Variants in CCSER1 observed in about 807,000 individuals in gnomAD.
CCSER1 encodes the protein coiled-coil serine rich protein 1.
Under a neutral mutation model 82.0 loss-of-function variants are expected in CCSER1, and 41 were observed. The ratio of observed to expected loss-of-function variants is 0.50; its 90% CI spans 0.39 to 0.65. The LOEUF is 0.65. Among genes scored for constraint, CCSER1 ranks in the 30% least tolerant of loss-of-function variants. The pLI is 0.00. For synonymous variants in CCSER1, 414 were observed against 383.9 expected (o/e 1.08, Z -0.92); for missense variants, 1,119 against 1,064.2 (o/e 1.05, Z -0.72).
At chr4:90,291,134 T>C (rs2153465893) in intron 1 of CCSER1, among the ~76,000 whole-genome samples, 1 of 142,674 alleles carries the variant, frequency 7.0e-6, no homozygotes, top group South Asian at 2.2e-4. Flanking sequence ...GTGTTTTTAC[T>C]TGATTGAAAT....
chr4:91,470,326 C>A lies in CCSER1; in HGVS notation c.2218-128246C>A, dbSNP rs539176577. Among the ~76,000 whole-genome samples the A allele has an allele frequency of 4.6e-5, 7 of 152,158 alleles. 1 individual carries two copies. In the South Asian group the frequency reaches 1.5e-3, roughly 32 times the overall value. ...TGCTAATGGAGAAGGTATCTAAATC[C>A]TTTGTAGTTGGAAGTAATTCTATTC... On this transcript the variant is annotated intron_variant, in intron 10 of 10. Coordinates refer to ENST00000509176, the MANE Select transcript of CCSER1 (RefSeq NM_001145065.2).
At chr4:90,603,619 C>T (rs1039821870) in intron 5 of CCSER1, among the ~76,000 whole-genome samples, 1 of 115,844 alleles carries the variant, frequency 8.6e-6, no homozygotes, top group Non-Finnish European at 1.7e-5. Context: ...CATCTTTTCT[C>T]TTACCACAAT....
intron 1 of CCSER1, among the ~76,000 whole-genome samples, chr4:90,230,081 G>T (rs1335036683): frequency 6.6e-6 from 1 of 152,138 alleles, no homozygotes; most frequent in African/African-American, 2.4e-5. Context: ...AAGTTAGCAA[G>T]GATATCCAGG....
chr4:90,750,866 C>T lies in CCSER1; in HGVS notation c.2010+26875C>T, dbSNP rs112862187. On this transcript the variant is annotated intron_variant, in intron 7 of 10. Coordinates refer to ENST00000509176, the MANE Select transcript of CCSER1 (RefSeq NM_001145065.2). ...CTTTTTAATTTTCTTGTTACATAGA[C>T]ACTAGTCATTAAGTGTTTAAGAAGA... Among the ~76,000 whole-genome samples, 1,028 of 152,182 alleles carry T rather than the reference C, an allele frequency of 6.8e-3. 16 individuals carry two copies. The highest frequency in any genetic ancestry group is 0.023 in the African/African-American group (974 of 41,540).
intron 10 of CCSER1, among the ~76,000 whole-genome samples, chr4:91,417,454 A>G (rs139609654): frequency 8.5e-5 from 13 of 152,332 alleles, no homozygotes; most frequent in African/African-American, 2.6e-4. Context: ...ATGTTCATCA[A>G]TGATAGACTG....
intron 10 of CCSER1, among the ~76,000 whole-genome samples, chr4:91,097,408 A>T (rs188107426): frequency 6.6e-6 from 1 of 152,324 alleles, no homozygotes; most frequent in Admixed American, 6.5e-5. Flanking sequence ...GTGATCAAGG[A>T]TCACTTTTAT....
rs1490093185 is a variant in CCSER1 at position 90,554,755 on chromosome 4, CCAGTAGCTAACAGATTTGACTTCT to C, written c.1725-73267_1725-73244del. Among the ~76,000 whole-genome samples the C allele has an allele frequency of 9.9e-5, 15 of 152,174 alleles. No individual in the cohort carries two copies. In the East Asian group the frequency reaches 2.9e-3, roughly 29 times the overall value. ...TGAATGCTGTTTTACTTTTCTTAGC[CCAGTAGCTAACAGATTTGACTTCT>C]CATCATACCTCGTTTTTAAGGGAGA... On this transcript the variant is annotated intron_variant, in intron 5 of 10. Coordinates refer to ENST00000509176, the MANE Select transcript of CCSER1 (RefSeq NM_001145065.2).
At chr4:90,630,128 T>TA (rs1477118640) in intron 6 of CCSER1, among the ~76,000 whole-genome samples, 2 of 109,268 alleles carry the variant, frequency 1.8e-5, no homozygotes, top group East Asian at 5.6e-4. Flanking sequence ...ACTATGTGTA[T>TA]AACTGTATGA....
chr4:90,376,957 C>T (rs546794655), intron 3 of CCSER1, among the ~76,000 whole-genome samples: 4 of 152,130 alleles, frequency 2.6e-5, no homozygotes, highest in African/African-American at 4.8e-5. Context: ...CAAAGGTTTG[C>T]GTTTCACCTG....
At chr4:91,486,085 C>A (rs571098183) in intron 10 of CCSER1, among the ~76,000 whole-genome samples, 1 of 151,930 alleles carries the variant, frequency 6.6e-6, no homozygotes, top group African/African-American at 2.4e-5. Context: ...TTGAGAATTG[C>A]ATTTTCCACT....
At position 91,009,429 on chromosome 4, in the gene CCSER1, A is replaced by T. The variant is rs144966536; in HGVS notation, c.2173-76521A>T. Among the ~76,000 whole-genome samples the T allele has an allele frequency of 2.1e-3, 317 of 152,276 alleles. 3 individuals carry two copies. The highest frequency in any genetic ancestry group is 7.4e-3 in the African/African-American group (308 of 41,536). On this transcript the variant is annotated intron_variant, in intron 9 of 10. Transcript: ENST00000509176. ...CTACCTGATTGGTTGAGTGTGAGCTAAGTTGCAAGCCCCGCGTTTAAAGGT... is the reference window on the plus strand; with the variant it reads ...CTACCTGATTGGTTGAGTGTGAGCTTAGTTGCAAGCCCCGCGTTTAAAGGT...
In CCSER1 at chr4:90,529,952, T is replaced by TATA. The variant is rs11408307; in HGVS notation, c.1724+61598_1724+61599insATA. Among the ~76,000 whole-genome samples, 1,034 of 117,950 alleles carry TATA rather than the reference T, an allele frequency of 8.8e-3. 16 individuals carry two copies. Among genetic ancestry groups the TATA allele is most frequent in the African/African-American group, 0.036 (911 of 25,268 alleles). The allele number at this position is 117,950 out of a possible 152,430, so 77.4% of individuals were successfully genotyped here. A position where few individuals can be genotyped will look rare whatever the true frequency, so the allele number is the denominator to read the frequency against. On this transcript the variant is annotated intron_variant, in intron 5 of 10. Transcript: ENST00000509176. ...ATTAAATAGAATATATATATATATA[T>TATA]TTTTTTTTTCTCTAATGGTAGAGAA...
chr4:90,674,760 A>G (rs1022142970), intron 6 of CCSER1, among the ~76,000 whole-genome samples: 2 of 151,482 alleles, frequency 1.3e-5, no homozygotes, highest in African/African-American at 2.4e-5. Flanking sequence ...TCCTTTTTTT[A>G]TAGCATGTAA....
At chr4:90,605,923 A>G (rs12502954) in intron 5 of CCSER1, among the ~76,000 whole-genome samples, 7,502 of 152,214 alleles carry the variant, frequency 0.049, 384 homozygotes, top group Admixed American at 0.17. Flanking sequence ...ATATGACAAT[A>G]ACATATGCCA....
intron 10 of CCSER1, among the ~76,000 whole-genome samples, chr4:91,251,066 A>G (rs755420927): frequency 2.6e-5 from 4 of 152,150 alleles, no homozygotes; most frequent in Non-Finnish European, 5.9e-5. Context: ...TGTCCTCACT[A>G]TAGAGAGGAA....
chr4:90,586,947 C>T (rs59894139), intron 5 of CCSER1, among the ~76,000 whole-genome samples: 52,565 of 151,956 alleles, frequency 0.35, 9,701 homozygotes, highest in East Asian at 0.5. Context: ...TAAAGATCTT[C>T]AGATAGGGTG....
intron 10 of CCSER1, among the ~76,000 whole-genome samples, chr4:91,161,776 A>T (rs1731426412): frequency 6.6e-6 from 1 of 152,054 alleles, no homozygotes; most frequent in Non-Finnish European, 1.5e-5. Context: ...ATAATAAGCA[A>T]CATGAAGCAA....
At chr4:91,433,887 A>G (rs1754477682) in intron 10 of CCSER1, among the ~76,000 whole-genome samples, 1 of 152,338 alleles carries the variant, frequency 6.6e-6, no homozygotes. Context: ...TAAATAATAA[A>G]TCAGTGTTTA....
At chr4:90,351,060 C>G (rs942713006) in intron 3 of CCSER1, among the ~76,000 whole-genome samples, 8 of 152,004 alleles carry the variant, frequency 5.3e-5, no homozygotes, top group African/African-American at 1.9e-4. Flanking sequence ...GGAAAAATAA[C>G]AAGAGGGCAC....
Sources: gnomAD v4.1 joint callset for allele counts (sites outside exome capture counted in the v4.1 genomes callset) on GRCh38, gnomAD v4.1.1 for gene constraint, MANE v1.5 for transcripts, NCBI Gene and HGNC (gene_info 2026-07-23, HGNC 2026-07-21) for gene names.